The following FTO variants were observed in gnomAD, a reference collection of about 807,000 sequenced individuals.
The protein encoded by FTO is FTO alpha-ketoglutarate dependent dioxygenase, also known as alpha-ketoglutarate-dependent dioxygenase FTO.
FTO carries 47 observed loss-of-function variants against 63.9 expected under a neutral mutation model. The observed-to-expected ratio is 0.74, with a 90% CI of 0.58 to 0.94. FTO has a LOEUF of 0.94. FTO is among the 40% of genes least tolerant of loss of function. FTO has a pLI of 0.00. For missense variants in FTO, 562 were observed against 618.1 expected (o/e 0.91, Z 0.96); for synonymous variants, 207 against 224.4 (o/e 0.92, Z 0.69).
At chr16:53,741,910 T>C (rs2076535793) in intron 1 of FTO, among the ~76,000 whole-genome samples, 1 of 152,146 alleles carries the variant, frequency 6.6e-6, no homozygotes. Flanking sequence ...GATTCCAAGC[T>C]CACTCATGTA....
At chr16:53,849,084 G>T (rs568471849) in intron 4 of FTO, among the ~76,000 whole-genome samples, 129 of 152,042 alleles carry the variant, frequency 8.5e-4, no homozygotes, top group African/African-American at 2.8e-3. Flanking sequence ...TTCTTTTTTG[G>T]TTTTTCTTTA....
intron 8 of FTO, among the ~76,000 whole-genome samples, chr16:54,093,405 A>G (rs2086441495): frequency 6.6e-6 from 1 of 152,226 alleles, no homozygotes; most frequent in African/African-American, 2.4e-5. Context: ...CAAAAAGTGT[A>G]AATTCTAACT....
In FTO at chr16:53,946,642, A is replaced by G. The variant is rs1599056554; in HGVS notation, c.1364+12533A>G. 9.2e-5 allele frequency among the ~76,000 whole-genome samples: 14 copies of G among 152,248 alleles called. 1 individual carries two copies. The South Asian group carries it at 2.9e-3, about 32-fold the overall frequency. ...AAAAATGAAGTCATATCTACAAGGA[A>G]GGCTTATGTAGGGCCTGGTCTGAAC... On this transcript the variant is annotated intron_variant, in intron 8 of 8. Coordinates refer to ENST00000471389, the MANE Select transcript of FTO (RefSeq NM_001080432.3).
chr16:53,785,814 G>T (rs2077719804), intron 1 of FTO, among the ~76,000 whole-genome samples: 1 of 151,702 alleles, frequency 6.6e-6, no homozygotes, highest in African/African-American at 2.4e-5. Flanking sequence ...GGAGGCTGAG[G>T]CAGGAGAATT....
At chr16:53,730,455 A>G (rs114717215) in intron 1 of FTO, among the ~76,000 whole-genome samples, 315 of 152,044 alleles carry the variant, frequency 2.1e-3, no homozygotes, top group African/African-American at 7.1e-3. Context: ...ATTATACTGT[A>G]TAGCATTGTC....
At chr16:53,901,690 T>A (rs2081406971) in intron 7 of FTO, among the ~76,000 whole-genome samples, 1 of 152,146 alleles carries the variant, frequency 6.6e-6, no homozygotes, top group Non-Finnish European at 1.5e-5. Context: ...AGAACGTAAA[T>A]GGCCGTTGTT....
intron 7 of FTO, among the ~76,000 whole-genome samples, chr16:53,919,716 A>T (rs1170533696): frequency 2.6e-5 from 4 of 152,218 alleles, no homozygotes; most frequent in African/African-American, 9.6e-5. Flanking sequence ...CCATTGTTCT[A>T]ACTGAAGTAA....
chr16:53,898,628 C>T lies in FTO; in HGVS notation c.1239+9677C>T, dbSNP rs374274391. ...CATGTTTGTTAAAAGAAAGAGTTCA[C>T]GTGAGGTCTGTGTTCTAGTCCTGCC... On this transcript the variant is annotated intron_variant, in intron 7 of 8. Coordinates refer to ENST00000471389, the MANE Select transcript of FTO (RefSeq NM_001080432.3). Among the ~76,000 whole-genome samples the T allele has an allele frequency of 3.8e-4, 58 of 152,298 alleles. No homozygotes were observed. In the South Asian group the frequency reaches 0.012, roughly 31 times the overall value.
In FTO at chr16:53,930,221, C is replaced by CTTTT. The variant is rs1014205147; in HGVS notation, c.1240-3741_1240-3738dup. On this transcript the variant is annotated intron_variant, in intron 7 of 8. Transcript: ENST00000471389. ...TTATATTTACTTTTATGATTATCTT[C>CTTTT]TTTTTTTTTTTTTTTTTTTTTTTTT... Among the ~76,000 whole-genome samples the CTTTT allele has an allele frequency of 2.2e-3, 169 of 75,704 alleles. 27 individuals are homozygous for CTTTT. The highest frequency in any genetic ancestry group is 8.3e-3 in the African/African-American group (141 of 16,980). 49.7% of individuals were successfully genotyped at this position (75,704 alleles called of 152,430 possible).
At chr16:53,882,738 T>C (rs978526806) in intron 6 of FTO, among the ~76,000 whole-genome samples, 15 of 152,192 alleles carry the variant, frequency 9.9e-5, no homozygotes, top group Admixed American at 8.5e-4. Context: ...TGGGGACCCA[T>C]TGAAGAGTTT....
chr16:54,037,411 GCA>G, intron 8 of FTO, among the ~76,000 whole-genome samples: 1 of 152,172 alleles, frequency 6.6e-6, no homozygotes, highest in Non-Finnish European at 1.5e-5. Flanking sequence ...AAACTTTAAA[GCA>G]GGAAGGGATT....
intron 8 of FTO, among the ~76,000 whole-genome samples, chr16:54,099,177 T>C (rs1254820404): frequency 6.6e-6 from 1 of 152,180 alleles, no homozygotes; most frequent in Non-Finnish European, 1.5e-5. Context: ...TTGCATCAAA[T>C]TGGACCTGCT....
intron 2 of FTO, among the ~76,000 whole-genome samples, chr16:53,810,913 T>C (rs1225488243): frequency 6.6e-6 from 1 of 152,208 alleles, no homozygotes; most frequent in African/African-American, 2.4e-5. Context: ...AGCAGGACTC[T>C]GACAGCCCAA....
At chr16:53,709,160 T>G (rs2075705146) in intron 1 of FTO, among the ~76,000 whole-genome samples, 1 of 152,222 alleles carries the variant, frequency 6.6e-6, no homozygotes, top group African/African-American at 2.4e-5. Context: ...TGAAATAACT[T>G]AGATCATATT....
intron 8 of FTO, among the ~76,000 whole-genome samples, chr16:54,089,243 C>T (rs1327504721): frequency 6.6e-6 from 1 of 152,104 alleles, no homozygotes; most frequent in Non-Finnish European, 1.5e-5. Flanking sequence ...ATTAAAGATT[C>T]TAGAATATTT....
At chr16:53,759,278 C>CTGCTTTGTTT (rs2076993126) in intron 1 of FTO, among the ~76,000 whole-genome samples, 1 of 151,844 alleles carries the variant, frequency 6.6e-6, no homozygotes, top group Admixed American at 6.6e-5. Flanking sequence ...TAGCCCAAAA[C>CTGCTTTGTTT]AAAGCAATGG....
chr16:53,710,162 G>T, intron 1 of FTO, among the ~76,000 whole-genome samples: 1 of 148,520 alleles, frequency 6.7e-6, no homozygotes, highest in Admixed American at 6.8e-5. Context: ...ATGTGTGCAA[G>T]CTATCTTTTA....
rs1053263304 is a variant in FTO, at chr16:53,965,069, A to C, written c.1364+30960A>C. On this transcript the variant is annotated intron_variant, in intron 8 of 8. Coordinates refer to ENST00000471389, the MANE Select transcript of FTO (RefSeq NM_001080432.3). The stretch of plus-strand genomic sequence containing the variant: ...TGTTACTCCATTCCTGTAGTGATGA[A>C]CCCCCCGCCCTTTTTTTGTTTTGAG... 1.4e-3 allele frequency among the ~76,000 whole-genome samples: 208 copies of C among 152,014 alleles called. 1 individual carries two copies. The highest frequency in any genetic ancestry group is 4.8e-3 in the African/African-American group (201 of 41,454).
chr16:53,704,379 G>T, intron 1 of FTO, 150 bp downstream of exon 1: 1 of 797,628 alleles, frequency 1.3e-6, no homozygotes, highest in Non-Finnish European at 2.1e-6. Context: ...AGATATTAGA[G>T]GGGATGTTAC....
Sources: gnomAD v4.1 joint callset for allele counts (sites outside exome capture counted in the v4.1 genomes callset) on GRCh38, gnomAD v4.1.1 for gene constraint, MANE v1.5 for transcripts, NCBI Gene and HGNC (gene_info 2026-07-23, HGNC 2026-07-21) for gene names.